The following CADPS2 variants were observed in gnomAD, a reference collection of about 807,000 sequenced individuals.
CADPS2 encodes the protein calcium-dependent secretion activator 2.
Under a neutral mutation model 172.5 loss-of-function variants are expected in CADPS2, and 93 were observed. The observed-to-expected ratio is 0.54, with a 90% confidence interval of 0.46 to 0.64. The LOEUF (loss-of-function observed/expected upper bound fraction) is 0.64. Ranked by LOEUF, CADPS2 falls within the 30% of genes least tolerant of loss-of-function variation. The pLI, the probability that CADPS2 is intolerant of heterozygous loss-of-function variation, is 0.00. For missense variants in CADPS2, 1,420 were observed against 1,565.9 expected (o/e 0.91, Z 1.57); for synonymous variants, 546 against 555.2 (o/e 0.98, Z 0.23).
intron 25 of CADPS2, among the ~76,000 whole-genome samples, chr7:122,376,048 C>G (rs2042305464): frequency 6.6e-6 from 1 of 152,130 alleles, no homozygotes; most frequent in Non-Finnish European, 1.5e-5. Context: ...TAGCTCACAT[C>G]TGTTTGGATG....
chr7:122,554,586 A>G lies in CADPS2; in HGVS notation c.1439T>C (p.Val480Ala). ...CATATGTGCTGGTTTATCCATTCGC[A>G]CTGCCAGTTTGATTTTTAAGTCAGA... Reference protein sequence around the residue: ...QDSDLKIKLAVRMDKPAHMKH... With the variant: ...QDSDLKIKLAARMDKPAHMKH... Residue 480 changes from valine (V) to alanine (A), a missense_variant, in exon 8 of 30, where the codon GTG (valine) becomes GCG (alanine). Val to Ala is a moderately conservative substitution (Grantham distance 64). Transcript: ENST00000449022. 1.2e-6 allele frequency: 2 copies of G among 1,611,480 alleles called. No individual in the cohort carries two copies. The highest frequency in any genetic ancestry group is 1.7e-6 in the Non-Finnish European group (2 of 1,178,702).
Position 122,393,192 on chromosome 7 carries a change from A to G in CADPS2, c.3008+4T>C. 1 of 1,613,382 alleles carries G rather than the reference A, an allele frequency of 6.2e-7. No individual in the cohort carries two copies. Among genetic ancestry groups the G allele is most frequent in the Non-Finnish European group, 8.5e-7 (1 of 1,179,658 alleles). On this transcript the variant is annotated splice_donor_region_variant and intron_variant, in intron 22 of 29. Coordinates refer to ENST00000449022, the MANE Select transcript of CADPS2 (RefSeq NM_017954.11). ...CCACCAGGAAATAAGTGAGGAATAC[A>G]CACGTGGACTCATATAAAGAAGGCA... is the stretch of plus-strand genomic sequence containing the variant.
chr7:122,461,220 A>G (rs1387040018), intron 14 of CADPS2, among the ~76,000 whole-genome samples: 1 of 152,250 alleles, frequency 6.6e-6, no homozygotes, highest in Non-Finnish European at 1.5e-5. Flanking sequence ...TTTTAGAGAC[A>G]TTAAAAGATA....
chr7:122,673,915 G>T (rs1470195374), intron 2 of CADPS2, among the ~76,000 whole-genome samples: 2 of 151,818 alleles, frequency 1.3e-5, no homozygotes, highest in Non-Finnish European at 2.9e-5. Context: ...GGCGGGGGGT[G>T]GGGGTGGGGG....
Position 122,356,029 on chromosome 7 carries a change from TTA to T in CADPS2, c.3504+4757_3504+4758del, listed in dbSNP as rs1429345859. ...TTTCCCCTATTATTATCATCTTACA[TTA>T]GTATGGTACATTTCCTACAATTAAT... On this transcript the variant is annotated intron_variant, in intron 27 of 29. Transcript: ENST00000449022. Among the ~76,000 whole-genome samples, 140 of 152,336 alleles carry T rather than the reference TTA, an allele frequency of 9.2e-4. 1 individual carries two copies. Among genetic ancestry groups the T allele is most frequent in the African/African-American group, 3.2e-3 (133 of 41,584 alleles).
intron 7 of CADPS2, among the ~76,000 whole-genome samples, chr7:122,574,171 A>G (rs923730070): frequency 1.3e-5 from 2 of 151,882 alleles, no homozygotes; most frequent in Admixed American, 1.3e-4. Context: ...TTGGGCTGGG[A>G]ACAGTGGCTC....
intron 2 of CADPS2, among the ~76,000 whole-genome samples, chr7:122,673,853 G>A (rs1023416105): frequency 4.0e-5 from 6 of 151,802 alleles, no homozygotes; most frequent in South Asian, 2.1e-4. Flanking sequence ...ACCGGGTGCC[G>A]TGGAGCAGGA....
At chr7:122,669,312 C>T (rs1307036903) in intron 2 of CADPS2, among the ~76,000 whole-genome samples, 1 of 150,448 alleles carries the variant, frequency 6.6e-6, no homozygotes, top group Non-Finnish European at 1.5e-5. Context: ...AACTGAGTGA[C>T]AGAGTGAGAT....
At chr7:122,783,890 T>C (rs1285513616) in intron 1 of CADPS2, among the ~76,000 whole-genome samples, 2 of 152,200 alleles carry the variant, frequency 1.3e-5, no homozygotes, top group African/African-American at 4.8e-5. Context: ...CCTTCGACCA[T>C]ATCTATTACC....
intron 1 of CADPS2, among the ~76,000 whole-genome samples, chr7:122,883,351 C>T (rs553348116): frequency 1.3e-5 from 2 of 152,140 alleles, no homozygotes; most frequent in East Asian, 3.9e-4. Context: ...TTTCAGATCT[C>T]AATTTCTGGG....
chr7:122,658,510 T>C (rs1003706364), intron 3 of CADPS2, among the ~76,000 whole-genome samples: 1 of 152,178 alleles, frequency 6.6e-6, no homozygotes. Flanking sequence ...ATAGACTGGA[T>C]TAAGAAAATG....
chr7:122,451,488 T>A lies in CADPS2; in HGVS notation c.2187-13A>T. 1.4e-6 allele frequency: 2 copies of A among 1,421,248 alleles called. No individual in the cohort carries two copies. Among genetic ancestry groups the A allele is most frequent in the Admixed American group, 2.0e-5 (1 of 49,168 alleles). The allele number at this position is 1,421,248 out of a possible 1,614,324, so 88.0% of individuals were successfully genotyped here. ...AATTCCATCAGGCCTGAAAAAAAAA[T>A]CAGAATCAATAATTCATATTGATCG... On this transcript the variant is annotated splice_polypyrimidine_tract_variant and intron_variant, in intron 14 of 29. Coordinates refer to ENST00000449022, the MANE Select transcript of CADPS2 (RefSeq NM_017954.11).
At chr7:122,603,098 T>C (rs948928354) in intron 6 of CADPS2, among the ~76,000 whole-genome samples, 4 of 152,082 alleles carry the variant, frequency 2.6e-5, no homozygotes, top group Admixed American at 2.0e-4. Flanking sequence ...AAAACCAATG[T>C]TGATAGAGAA....
At chr7:122,520,922 G>A (rs1327633706) in intron 8 of CADPS2, among the ~76,000 whole-genome samples, 1 of 152,030 alleles carries the variant, frequency 6.6e-6, no homozygotes, top group East Asian at 1.9e-4. Flanking sequence ...TACAGAAGAT[G>A]GGAATTATTT....
intron 6 of CADPS2, among the ~76,000 whole-genome samples, chr7:122,608,205 A>C: frequency 7.7e-6 from 1 of 129,602 alleles, no homozygotes. Context: ...ACAGAGCGAG[A>C]CTCCGTCTAA....
chr7:122,669,333 G>GAAAA (rs1305107545), intron 2 of CADPS2, among the ~76,000 whole-genome samples: 4 of 133,008 alleles, frequency 3.0e-5, no homozygotes, highest in South Asian at 5.0e-4. Flanking sequence ...CCTGTCTAAA[G>GAAAA]AAAAAATATA....
intron 1 of CADPS2, among the ~76,000 whole-genome samples, chr7:122,800,150 T>C (rs911959989): frequency 1.3e-5 from 2 of 152,216 alleles, no homozygotes; most frequent in Non-Finnish European, 2.9e-5. Context: ...ATATTAAACA[T>C]TGAATAAAAT....
intron 8 of CADPS2, among the ~76,000 whole-genome samples, chr7:122,529,360 GAAAT>G (rs1360864626): frequency 2.0e-5 from 3 of 152,112 alleles, no homozygotes; most frequent in African/African-American, 7.2e-5. Context: ...TGGAGTAAAA[GAAAT>G]AAGTAAGGCA....
At chr7:122,622,746 A>G (rs2075728502) in intron 4 of CADPS2, among the ~76,000 whole-genome samples, 1 of 152,226 alleles carries the variant, frequency 6.6e-6, no homozygotes, top group South Asian at 2.1e-4. Context: ...AGCCTAAAGC[A>G]GCCATCTTTC....
Sources: allele counts gnomAD v4.1 joint callset (sites outside exome capture counted in the v4.1 genomes callset), GRCh38; gene constraint gnomAD v4.1.1; transcripts MANE v1.5; gene names NCBI Gene and HGNC (gene_info 2026-07-23, HGNC 2026-07-21).